Variants in ERN1 observed in about 807,000 individuals in gnomAD.
The protein encoded by ERN1 is endoplasmic reticulum to nucleus signaling 1.
Under a neutral mutation model 113.1 loss-of-function variants are expected in ERN1, and 39 were observed. The ratio of observed to expected loss-of-function variants is 0.34; its 90% CI spans 0.27 to 0.45. The LOEUF is 0.45. ERN1 is among the 20% of genes least tolerant of loss of function. The probability of loss-of-function intolerance (pLI) is 1.00; values close to 1 mark genes in which losing one functional copy is unlikely to be tolerated. For synonymous variants in ERN1, 507 were observed against 515.9 expected (o/e 0.98, Z 0.23); for missense variants, 976 against 1,274.8 (o/e 0.77, Z 3.57).
intron 5 of ERN1, among the ~76,000 whole-genome samples, chr17:64,073,959 C>T (rs1442406584): frequency 1.3e-5 from 2 of 152,222 alleles, no homozygotes; most frequent in Non-Finnish European, 1.5e-5. Context: ...TTTGCTAATG[C>T]TATACCTCTA....
At position 64,049,159 on chromosome 17, in the gene ERN1, TAGTAAAAGACGC is replaced by T. The variant is rs755938473; in HGVS notation, c.2285_2296del (p.Cys762_Tyr765del). 1.9e-5 allele frequency: 31 copies of T among 1,607,532 alleles called. No individual in the cohort carries two copies. Among genetic ancestry groups the T allele is most frequent in the Non-Finnish European group, 2.6e-5 (30 of 1,175,132 alleles). ...AGGGTGGCTGCCCTCAGAGATTACG[TAGTAAAAGACGC>T]AGCCTGCAGAAAAGATGTCCACCGT... On this transcript the variant is annotated inframe_deletion, in exon 18 of 22. Coordinates refer to ENST00000433197, the MANE Select transcript of ERN1 (RefSeq NM_001433.5). The surrounding 1 kb of genome is among the most constrained non-coding windows in gnomAD (Gnocchi z 4.7).
intron 1 of ERN1, chr17:64,102,740 C>A: frequency 1.0e-6 from 1 of 985,400 alleles, no homozygotes; most frequent in Non-Finnish European, 1.2e-6. Flanking sequence ...CCATTTCAGT[C>A]CTCAGTGCTC....
intron 2 of ERN1, among the ~76,000 whole-genome samples, chr17:64,084,091 C>T (rs1482533477): frequency 6.6e-6 from 1 of 151,998 alleles, no homozygotes; most frequent in Non-Finnish European, 1.5e-5. Context: ...TCTCCCGGGT[C>T]CTTTCTCTGG....
Position 64,080,794 on chromosome 17 carries a change from C to A in ERN1, c.190G>T (p.Val64Phe). 1.2e-6 allele frequency: 2 copies of A among 1,610,874 alleles called. No individual in the cohort carries two copies. The highest frequency in any genetic ancestry group is 1.7e-6 in the Non-Finnish European group (2 of 1,178,482). ...ACTTACTCTTCCACATGTGTTGGGA[C>A]CTGCAGGACTGGATCTGTGCAAAAG... ...WTLKEDPVLQVPTHVEEPAFL... is the reference protein window; with the variant it reads ...WTLKEDPVLQFPTHVEEPAFL... The change falls in exon 3 of 22, where the codon GTC becomes TTC. Residue 64 changes from valine to phenylalanine, a missense_variant. This residue lies in a region of ERN1 where 459 missense variants were observed against 581.2 expected (regional missense o/e 0.79). Coordinates refer to ENST00000433197, the MANE Select transcript of ERN1 (RefSeq NM_001433.5).
At chr17:64,129,703 C>T (rs1419195426) in intron 1 of ERN1, 2 of 375,932 alleles carry the variant, frequency 5.3e-6, no homozygotes, top group Non-Finnish European at 9.4e-6. Flanking sequence ...CCGCGGGGTC[C>T]GGGGAGCCGC....
chr17:64,102,311 ATC>A (rs1268770462), intron 1 of ERN1, among the ~76,000 whole-genome samples: 1 of 152,146 alleles, frequency 6.6e-6, no homozygotes, highest in Non-Finnish European at 1.5e-5. Flanking sequence ...AACAACACTA[ATC>A]ACATGACTAA....
intron 19 of ERN1, 83 bp from the exon 20 acceptor site, chr17:64,045,565 T>C (rs1912487507): frequency 1.4e-5 from 22 of 1,574,576 alleles, no homozygotes; most frequent in Non-Finnish European, 1.9e-5. Flanking sequence ...TAACAGATCA[T>C]CACTGACACA....
rs974673426 is a variant in ERN1 at position 64,041,851 on chromosome 17, G to C, written c.*2137C>G. The C allele has an allele frequency of 1.3e-5, 2 of 152,144 alleles. No homozygotes were observed. Among genetic ancestry groups the C allele is most frequent in the Non-Finnish European group, 2.9e-5 (2 of 68,022 alleles). The allele number at this position is 152,144 out of a possible 1,614,324, so 9.4% of individuals were successfully genotyped here. Reference sequence around the variant, plus strand: ...ACTAAGTGCTCAAATAAAATACATTGAATAAATGATTTTGAGAAATCTGCG... The same window carrying C: ...ACTAAGTGCTCAAATAAAATACATTCAATAAATGATTTTGAGAAATCTGCG... On this transcript the variant is annotated 3_prime_UTR_variant, in exon 22 of 22. Transcript: ENST00000433197.
intron 1 of ERN1, chr17:64,102,953 G>A: frequency 1.0e-6 from 1 of 985,340 alleles, no homozygotes; most frequent in Non-Finnish European, 1.2e-6. Flanking sequence ...CTTGTAGGAA[G>A]TAACCAACAG....
At chr17:64,053,024 C>T in intron 16 of ERN1, 45 bp from the exon 17 acceptor site, 1 of 1,304,718 alleles carries the variant, frequency 7.7e-7, no homozygotes, top group Non-Finnish European at 1.0e-6. Context: ...CAGGAGCAAC[C>T]CCAGGCCTCC....
At chr17:64,090,005 G>C (rs1025904961) in intron 2 of ERN1, among the ~76,000 whole-genome samples, 9 of 151,888 alleles carry the variant, frequency 5.9e-5, no homozygotes, top group Non-Finnish European at 2.9e-5. Context: ...TCATACATTC[G>C]AGTGGCCCAA....
rs1237903544 is a variant in ERN1, at chr17:64,039,487, A to C, written c.*4501T>G. 6.6e-6 allele frequency: 1 copy of C among 152,238 alleles called. No homozygotes were observed. Among genetic ancestry groups the C allele is most frequent in the Admixed American group, 6.5e-5 (1 of 15,280 alleles). 9.4% of individuals were successfully genotyped at this position (152,238 alleles called of 1,614,324 possible). ...CCGACCAAATTAATCACCCTTTAAT[A>C]ATAAGACTACTGTAAAGCATCCATC... On this transcript the variant is annotated 3_prime_UTR_variant, in exon 22 of 22. Transcript: ENST00000433197.
chr17:64,087,630 C>A (rs747749979), intron 2 of ERN1, among the ~76,000 whole-genome samples: 52 of 152,170 alleles, frequency 3.4e-4, no homozygotes, highest in Non-Finnish European at 2.4e-4. Flanking sequence ...AAGCTGGGTG[C>A]TGGGTACATG....
chr17:64,086,116 C>G (rs937266988), intron 2 of ERN1, among the ~76,000 whole-genome samples: 2 of 152,196 alleles, frequency 1.3e-5, no homozygotes, highest in Non-Finnish European at 2.9e-5. Context: ...CCTATAAACA[C>G]AAAAACCTCT....
intron 1 of ERN1, among the ~76,000 whole-genome samples, chr17:64,100,481 G>A (rs1914355770): frequency 1.3e-5 from 2 of 152,154 alleles, no homozygotes; most frequent in African/African-American, 4.8e-5. Context: ...TGGCTAAAGT[G>A]GAAATAAGGC....
chr17:64,083,265 A>T (rs1253104663), intron 2 of ERN1, among the ~76,000 whole-genome samples: 1 of 152,188 alleles, frequency 6.6e-6, no homozygotes, highest in African/African-American at 2.4e-5. Context: ...AAAAAGGTTA[A>T]AGAGAAAATT....
rs1298491458 is a variant in ERN1, at chr17:64,039,281, T to G, written c.*4707A>C. The G allele has an allele frequency of 2.6e-5, 4 of 152,154 alleles. No homozygotes were observed. The highest frequency in any genetic ancestry group is 1.5e-5 in the Non-Finnish European group (1 of 68,026). The allele number at this position is 152,154 out of a possible 1,614,324, so 9.4% of individuals were successfully genotyped here. On this transcript the variant is annotated 3_prime_UTR_variant, in exon 22 of 22. Coordinates refer to ENST00000433197, the MANE Select transcript of ERN1 (RefSeq NM_001433.5). ...CCCTCATGTCTTCAAGCTTTAAAAA[T>G]GCACATAAAAGTTGTACAATCTGGC...
rs763697732 is a variant in ERN1, at chr17:64,043,960, G to A, written c.*28C>T. On this transcript the variant is annotated 3_prime_UTR_variant, in exon 22 of 22. Transcript: ENST00000433197. ...GACCAGGCCCTCAGTCACAGCTGGG[G>A]CCACCAGAACAGAGGGGCCGCCCTC... The A allele has an allele frequency of 1.3e-6, 2 of 1,495,454 alleles. 1 individual carries two copies. Among genetic ancestry groups the A allele is most frequent in the South Asian group, 2.3e-5 (2 of 86,944 alleles). The allele number at this position is 1,495,454 out of a possible 1,614,324, so 92.6% of individuals were successfully genotyped here.
intron 1 of ERN1, among the ~76,000 whole-genome samples, chr17:64,111,378 A>G (rs909821635): frequency 6.7e-6 from 1 of 148,990 alleles, no homozygotes; most frequent in African/African-American, 2.5e-5. Context: ...TTTTTGAGAC[A>G]GAGTTTGACT....
Sources: allele counts gnomAD v4.1 joint callset (sites outside exome capture counted in the v4.1 genomes callset), GRCh38; gene constraint gnomAD v4.1.1; regional missense constraint gnomAD v4.1.1; non-coding constraint Gnocchi (gnomAD v3.1); transcripts MANE v1.5; gene names NCBI Gene and HGNC (gene_info 2026-07-23, HGNC 2026-07-21).